The following AFF2 variants were observed in gnomAD, a reference collection of about 807,000 sequenced individuals.
AFF2 encodes AF4/FMR2 family member 2.
A neutral mutation model predicts 76.9 loss-of-function variants in AFF2; 14 were observed. That is an observed-to-expected ratio of 0.18 (90% CI 0.12 to 0.28). The LOEUF is 0.28. AFF2 is among the 10% of genes least tolerant of loss of function. The pLI is 1.00. For synonymous variants in AFF2, 398 were observed against 366.7 expected (o/e 1.09, Z -0.98); for missense variants, 868 against 1,001.1 (o/e 0.87, Z 1.79).
intron 9 of AFF2, among the ~76,000 whole-genome samples, chrX:148,924,003 A>G (rs2071623604): frequency 8.9e-6 from 1 of 111,814 alleles, no homozygotes; most frequent in African/African-American, 3.3e-5. Flanking sequence ...CACAGCTTAA[A>G]CTCTGGCAGT....
At chrX:148,967,798 C>G in intron 15 of AFF2, 106 bp downstream of exon 15, 3 of 659,046 alleles carry the variant, frequency 4.6e-6, no homozygotes, top group Non-Finnish European at 7.0e-6. Context: ...ACAGCCCACA[C>G]CTGCCTGTCA....
chrX:148,870,663 A>G (rs16994786), intron 7 of AFF2, among the ~76,000 whole-genome samples: 1,216 of 112,399 alleles, frequency 0.011, 21 homozygotes, highest in African/African-American at 0.037. Context: ...GTTGAAGTGA[A>G]GGCTCCTATT....
At chrX:148,865,818 G>A (rs781954704) in intron 7 of AFF2, among the ~76,000 whole-genome samples, 4 of 111,884 alleles carry the variant, frequency 3.6e-5, no homozygotes, top group South Asian at 3.8e-4. Flanking sequence ...TATGAATGAC[G>A]ATTGGAGTAG....
chrX:148,930,065 C>T, intron 9 of AFF2, among the ~76,000 whole-genome samples: 1 of 111,703 alleles, frequency 9.0e-6, no homozygotes, highest in East Asian at 2.8e-4. Flanking sequence ...ATGATTTTTA[C>T]CGGCAAATGG....
Position 148,679,179 on chromosome X carries a change from G to A in AFF2, c.1041+16411G>A, listed in dbSNP as rs139297676. ...AGTACATTTCTTTCCAAACTATATA[G>A]CAATATACGTATAAAAGCTATAAAG... On this transcript the variant is annotated intron_variant, in intron 3 of 20. Transcript: ENST00000370460. Among the ~76,000 whole-genome samples the A allele has an allele frequency of 3.6e-4, 38 of 104,873 alleles. No individual in the cohort carries two copies. In the East Asian group the frequency reaches 0.011, roughly 31 times the overall value. 91.1% of individuals were successfully genotyped at this position (104,873 alleles called of 115,157 possible).
In AFF2 at chrX:148,991,477, A is replaced by G; in HGVS notation, c.*145A>G. ...GCTTCTTTTGTTATCTGTAAAAAAC[A>G]GAAGTCATTGTAAGTTGACACTACA... On this transcript the variant is annotated 3_prime_UTR_variant, in exon 21 of 21. Transcript: ENST00000370460. 1.3e-6 allele frequency: 1 copy of G among 755,078 alleles called. No individual in the cohort carries two copies. The highest frequency in any genetic ancestry group is 1.8e-6 in the Non-Finnish European group (1 of 555,405). 62.2% of individuals were successfully genotyped at this position (755,078 alleles called of 1,213,427 possible).
chrX:148,623,600 A>AAT (rs782158598), intron 1 of AFF2, among the ~76,000 whole-genome samples: 4,436 of 101,391 alleles, frequency 0.044, 181 homozygotes, highest in African/African-American at 0.12. Context: ...CAAACATTTG[A>AAT]ATATATATAT....
intron 3 of AFF2, among the ~76,000 whole-genome samples, chrX:148,727,403 T>C (rs782459700): frequency 2.7e-5 from 3 of 112,111 alleles, no homozygotes; most frequent in East Asian, 5.6e-4. Context: ...GCAGAATTGA[T>C]AGTTTCTGCT....
intron 4 of AFF2, among the ~76,000 whole-genome samples, chrX:148,816,008 C>T (rs782416583): frequency 1.8e-5 from 2 of 111,844 alleles, no homozygotes; most frequent in South Asian, 7.4e-4. Context: ...AGAATTTACA[C>T]CTGTTTTCTG....
chrX:148,883,243 A>C (rs1467206213), intron 7 of AFF2, among the ~76,000 whole-genome samples: 1 of 111,780 alleles, frequency 8.9e-6, no homozygotes, highest in Non-Finnish European at 1.9e-5. Context: ...CCAAGTCATC[A>C]TGGATTACCT....
intron 9 of AFF2, among the ~76,000 whole-genome samples, chrX:148,915,106 A>T (rs2071512857): frequency 8.9e-6 from 1 of 112,648 alleles, no homozygotes; most frequent in Non-Finnish European, 1.9e-5. Flanking sequence ...ATAGGAAACA[A>T]ATAGTATCTG....
chrX:148,975,949 A>AAAAAAAAAAAAAAC lies in AFF2; in HGVS notation c.3405-1971_3405-1970insCAAAAAAAAAAAAA. The stretch of plus-strand genomic sequence containing the variant: ...ACAGAGCGAGACTCCGTCTCAAAAA[A>AAAAAAAAAAAAAAC]AAAAAAAAAAAAAAATATGAAAGTA... On this transcript the variant is annotated intron_variant, in intron 16 of 20. Transcript: ENST00000370460. Among the ~76,000 whole-genome samples, 2 of 97,512 alleles carry AAAAAAAAAAAAAAC rather than the reference A, an allele frequency of 2.1e-5. 1 individual carries two copies. Among genetic ancestry groups the AAAAAAAAAAAAAAC allele is most frequent in the Non-Finnish European group, 4.3e-5 (2 of 46,950 alleles). 84.7% of individuals were successfully genotyped at this position (97,512 alleles called of 115,157 possible). A position where few individuals can be genotyped will look rare whatever the true frequency, so the allele number is the denominator to read the frequency against.
In AFF2 at chrX:148,955,587, G is replaced by C. The variant is rs1422687654; in HGVS notation, c.1558-16G>C. 1 of 1,190,126 alleles carries C rather than the reference G, an allele frequency of 8.4e-7. No individual in the cohort carries two copies. Among genetic ancestry groups the C allele is most frequent in the Non-Finnish European group, 1.1e-6 (1 of 886,017 alleles). On this transcript the variant is annotated splice_polypyrimidine_tract_variant and intron_variant, in intron 10 of 20. Transcript: ENST00000370460. Reference sequence around the variant, plus strand: ...AAGTGTAAAAATCATTCTTGCTGCTGTTTCTCAATCTGCAGCCTGAGCCAC... The same window carrying C: ...AAGTGTAAAAATCATTCTTGCTGCTCTTTCTCAATCTGCAGCCTGAGCCAC...
chrX:148,682,469 C>T (rs1024040276), intron 3 of AFF2, among the ~76,000 whole-genome samples: 2 of 111,301 alleles, frequency 1.8e-5, no homozygotes, highest in Non-Finnish European at 3.8e-5. Flanking sequence ...GCCAGACCAG[C>T]CCGCTTCTGG....
At chrX:148,625,356 A>G (rs1668851759) in intron 1 of AFF2, among the ~76,000 whole-genome samples, 1 of 111,315 alleles carries the variant, frequency 9.0e-6, no homozygotes, top group South Asian at 3.8e-4. Context: ...TTACCTTGTC[A>G]CTGACAGATT....
intron 12 of AFF2, among the ~76,000 whole-genome samples, chrX:148,960,950 C>T (rs1351389300): frequency 8.9e-6 from 1 of 111,788 alleles, no homozygotes; most frequent in Non-Finnish European, 1.9e-5. Context: ...AGAAAATGCT[C>T]CCTAGGTGTC....
In AFF2 at chrX:148,629,614, G is replaced by A. The variant is rs577220089; in HGVS notation, c.48-22385G>A. ...ATTTGTTACCAGGCTCTGTGCAGAG[G>A]GAGAGCTGGGCCTGGGGCCAAGCTA... On this transcript the variant is annotated intron_variant, in intron 1 of 20. Coordinates refer to ENST00000370460, the MANE Select transcript of AFF2 (RefSeq NM_002025.4). 3.8e-4 allele frequency among the ~76,000 whole-genome samples: 43 copies of A among 112,140 alleles called. No homozygotes were observed. In the South Asian group the frequency reaches 0.016, roughly 42 times the overall value.
At chrX:148,755,706 T>A (rs2055553582) in intron 3 of AFF2, among the ~76,000 whole-genome samples, 1 of 111,994 alleles carries the variant, frequency 8.9e-6, no homozygotes, top group African/African-American at 3.2e-5. Flanking sequence ...TGATTATCTG[T>A]TATCTATCTA....
chrX:148,651,262 C>CT (rs1419677253), intron 1 of AFF2, among the ~76,000 whole-genome samples: 1 of 112,358 alleles, frequency 8.9e-6, no homozygotes, highest in Admixed American at 9.4e-5. Flanking sequence ...CACAGTTAGT[C>CT]TTTATAAAAC....
Sources: gnomAD v4.1 joint callset for allele counts (sites outside exome capture counted in the v4.1 genomes callset) on GRCh38, gnomAD v4.1.1 for gene constraint, MANE v1.5 for transcripts, NCBI Gene and HGNC (gene_info 2026-07-23, HGNC 2026-07-21) for gene names.